The following PANK4 variants were observed in gnomAD, a reference collection of about 807,000 sequenced individuals.
PANK4 encodes 4'-phosphopantetheine phosphatase.
PANK4 carries 40 observed loss-of-function variants against 87.9 expected under a neutral mutation model. The ratio of observed to expected loss-of-function variants is 0.46; its 90% CI spans 0.35 to 0.59. The LOEUF is 0.59. Ranked by LOEUF, PANK4 falls within the 20% of genes least tolerant of loss-of-function variation. The probability of loss-of-function intolerance (pLI) is 0.00; values close to 1 mark genes in which losing one functional copy is unlikely to be tolerated. For missense variants in PANK4, 926 were observed against 1,072.3 expected, an observed-to-expected ratio of 0.86 and a Z score of 1.90; for synonymous variants, 524 against 467.4, an observed-to-expected ratio of 1.12 and a Z score of -1.56.
intron 9 of PANK4, 132 bp downstream of exon 9, chr1:2,518,032 G>A: frequency 3.5e-6 from 2 of 567,104 alleles, no homozygotes; most frequent in Non-Finnish European, 6.2e-6. Flanking sequence ...CCAGGTCCAT[G>A]GGAGGATTCG....
intron 1 of PANK4, chr1:2,525,561 G>C (rs1009548533): frequency 3.3e-5 from 5 of 152,198 alleles, no homozygotes; most frequent in African/African-American, 1.2e-4. Context: ...TCCTGGTTCT[G>C]CCACTTTCTA....
intron 15 of PANK4, 100 bp downstream of exon 15, chr1:2,511,238 A>C: frequency 1.3e-6 from 1 of 779,642 alleles, no homozygotes; most frequent in Admixed American, 1.9e-5. Flanking sequence ...ACAGGAGGGG[A>C]GGGCCACCCG....
Position 2,511,699 on chromosome 1 carries a change from GA to G in PANK4, c.1728-17del. On this transcript the variant is annotated splice_polypyrimidine_tract_variant and intron_variant, in intron 13 of 18. Transcript: ENST00000378466. ...TTCAAGGACACTGCATGGAGGAGGA[GA>G]AAAGAAAATTAAGACAACAGAACAA... The G allele has an allele frequency of 6.4e-7, 1 of 1,564,912 alleles. No individual in the cohort carries two copies. The highest frequency in any genetic ancestry group is 8.8e-7 in the Non-Finnish European group (1 of 1,135,986).
chr1:2,513,178 AGCCTATCGGTCCGGGACAGTG>A, intron 12 of PANK4, 139 bp from the exon 13 acceptor site: 1 of 881,162 alleles, frequency 1.1e-6, no homozygotes, highest in Non-Finnish European at 1.7e-6. Flanking sequence ...ACCAGGCACA[AGCCTATCGGTCCGGGACAGTG>A]GCCAGCGCAC....
Position 2,519,857 on chromosome 1 carries a change from C to T in PANK4, c.797G>A (p.Gly266Glu). The change falls in exon 6 of 19, where the codon GGG becomes GAG. Residue 266 changes from glycine (G) to glutamate (E), a missense_variant. Coordinates refer to ENST00000378466, the MANE Select transcript of PANK4 (RefSeq NM_018216.4). The surrounding 1 kb of genome is among the most constrained non-coding windows in gnomAD (Gnocchi z 8.3). ...GCTGGCGATGAGGTTCCCGCTCAGC[C>T]CGAGAGTCTGGTGGGCGCCGCCGTA... ...DVYGGAHQTLGLSGNLIASSF... is the reference protein window; with the variant it reads ...DVYGGAHQTLELSGNLIASSF... The T allele has an allele frequency of 6.4e-7, 1 of 1,573,578 alleles. No individual in the cohort carries two copies. The highest frequency in any genetic ancestry group is 8.6e-7 in the Non-Finnish European group (1 of 1,160,068).
At chr1:2,523,055 G>A (rs1453162373) in intron 1 of PANK4, among the ~76,000 whole-genome samples, 4 of 151,762 alleles carry the variant, frequency 2.6e-5, no homozygotes, top group African/African-American at 9.7e-5. Context: ...CCCACATCAT[G>A]AGAGTAATGA....
rs1431926034 is a variant in PANK4 at position 2,512,824 on chromosome 1, C to A, written c.1727+64G>T. 5.8e-6 allele frequency: 9 copies of A among 1,547,630 alleles called. No individual in the cohort carries two copies. The East Asian group carries it at 2.0e-4, about 35-fold the overall frequency. ...GGGACCCGCTCCACCTCCTTGCCCG[C>A]AAGCCTGGGGCAGGACAGGCACCCA... On this transcript the variant is annotated intron_variant, in intron 13 of 18. Transcript: ENST00000378466.
At position 2,515,791 on chromosome 1, in the gene PANK4, C is replaced by T. The variant is rs893142175; in HGVS notation, c.1219-74G>A. 3 of 1,386,608 alleles carry T rather than the reference C, an allele frequency of 2.2e-6. No homozygotes were observed. The highest frequency in any genetic ancestry group is 2.0e-6 in the Non-Finnish European group (2 of 997,036). 85.9% of individuals were successfully genotyped at this position (1,386,608 alleles called of 1,614,324 possible). A position where few individuals can be genotyped will look rare whatever the true frequency, so the allele number is the denominator to read the frequency against. ...GACCCAAGCCACACTCAGAAGCTTC[C>T]ACTCTCTCTCTAAGAAGGGAGATGT... On this transcript the variant is annotated intron_variant, in intron 9 of 18. Coordinates refer to ENST00000378466, the MANE Select transcript of PANK4 (RefSeq NM_018216.4). This position sits in a 1 kb window ranked among gnomAD's most constrained non-coding sequence, Gnocchi z 5.0.
rs1643610518 is a variant in PANK4, at chr1:2,508,782, C to T, written c.*65G>A. 1 of 973,844 alleles carries T rather than the reference C, an allele frequency of 1.0e-6. No individual in the cohort carries two copies. Among genetic ancestry groups the T allele is most frequent in the Non-Finnish European group, 1.6e-6 (1 of 624,194 alleles). 60.3% of individuals were successfully genotyped at this position (973,844 alleles called of 1,614,324 possible). On this transcript the variant is annotated 3_prime_UTR_variant, in exon 19 of 19. Coordinates refer to ENST00000378466, the MANE Select transcript of PANK4 (RefSeq NM_018216.4). This position sits in a 1 kb window ranked among gnomAD's most constrained non-coding sequence, Gnocchi z 5.1. ...AAATACGTTGATTTGAACGCAGTTT[C>T]CCTGTGGTGGTAAAAACACATTCCT...
In PANK4 at chr1:2,515,125, C is replaced by T. The variant is rs557632512; in HGVS notation, c.1374+437G>A. 14 of 363,274 alleles carry T rather than the reference C, an allele frequency of 3.9e-5. No homozygotes were observed. The highest frequency in any genetic ancestry group is 1.7e-4 in the African/African-American group (8 of 47,186). The allele number at this position is 363,274 out of a possible 1,614,324, so 22.5% of individuals were successfully genotyped here. On this transcript the variant is annotated intron_variant, in intron 10 of 18. Coordinates refer to ENST00000378466, the MANE Select transcript of PANK4 (RefSeq NM_018216.4). This position sits in a 1 kb window ranked among gnomAD's most constrained non-coding sequence, Gnocchi z 5.0. The stretch of plus-strand genomic sequence containing the variant: ...GGCCCAGGGCCTGGCATTTGCTCCA[C>T]GGGACCAGCCCAGCCTTGGAGAAGG...
intron 15 of PANK4, among the ~76,000 whole-genome samples, chr1:2,511,137 G>C (rs1295905315): frequency 6.6e-6 from 1 of 152,250 alleles, no homozygotes; most frequent in Non-Finnish European, 1.5e-5. Flanking sequence ...TTTGTGCCTA[G>C]AGCAGGTGAC....
chr1:2,515,187 C>G lies in PANK4; in HGVS notation c.1374+375G>C, dbSNP rs1485261546. 9.7e-6 allele frequency: 4 copies of G among 413,282 alleles called. No individual in the cohort carries two copies. Among genetic ancestry groups the G allele is most frequent in the Non-Finnish European group, 1.9e-5 (4 of 208,564 alleles). 25.6% of individuals were successfully genotyped at this position (413,282 alleles called of 1,614,324 possible). A position where few individuals can be genotyped will look rare whatever the true frequency, so the allele number is the denominator to read the frequency against. ...AGTCCCAAGGTGGCCTCGCCGGGAGCTTGCTGGGGCTGAGTCTCACCCCAC... is the reference window on the plus strand; with the variant it reads ...AGTCCCAAGGTGGCCTCGCCGGGAGGTTGCTGGGGCTGAGTCTCACCCCAC... On this transcript the variant is annotated intron_variant, in intron 10 of 18. Transcript: ENST00000378466. This position sits in a 1 kb window ranked among gnomAD's most constrained non-coding sequence, Gnocchi z 5.0.
At position 2,526,459 on chromosome 1, in the gene PANK4, G is replaced by A. The variant is rs756265992; in HGVS notation, c.124+5C>T. 2 of 1,483,928 alleles carry A rather than the reference G, an allele frequency of 1.3e-6. No individual in the cohort carries two copies. The highest frequency in any genetic ancestry group is 2.2e-4 in the Middle Eastern group (1 of 4,634). The allele number at this position is 1,483,928 out of a possible 1,614,324, so 91.9% of individuals were successfully genotyped here. On this transcript the variant is annotated splice_donor_5th_base_variant and intron_variant, in intron 1 of 18. Transcript: ENST00000378466. ...GCCCGCGCCCGGCGCCCGGCCTGCG[G>A]CTACCTATGTCGATGGCGAAGCGCT...
chr1:2,511,217 G>A (rs934038407), intron 15 of PANK4, 121 bp downstream of exon 15: 59 of 718,072 alleles, frequency 8.2e-5, no homozygotes, highest in Non-Finnish European at 1.3e-5. Flanking sequence ...TCGCAGGATG[G>A]TGAGACTCTA....
rs150854812 is a variant in PANK4, at chr1:2,512,884, C to T, written c.1727+4G>A. On this transcript the variant is annotated splice_donor_region_variant and intron_variant, in intron 13 of 18. Coordinates refer to ENST00000378466, the MANE Select transcript of PANK4 (RefSeq NM_018216.4). Reference sequence around the variant, plus strand: ...GAGCCTGCTCCGAGCCCGCAGACACCTACGCAGACACGGCTTTGGCCCCCC... The same window carrying T: ...GAGCCTGCTCCGAGCCCGCAGACACTTACGCAGACACGGCTTTGGCCCCCC... The T allele has an allele frequency of 1.9e-4, 307 of 1,612,732 alleles. 2 individuals are homozygous for T. The East Asian group carries it at 6.8e-3, about 35-fold the overall frequency.
Position 2,515,126 on chromosome 1 carries a change from G to C in PANK4, c.1374+436C>G, listed in dbSNP as rs1470503837. The stretch of plus-strand genomic sequence containing the variant: ...GCCCAGGGCCTGGCATTTGCTCCAC[G>C]GGACCAGCCCAGCCTTGGAGAAGGT... On this transcript the variant is annotated intron_variant, in intron 10 of 18. Transcript: ENST00000378466. This position sits in a 1 kb window ranked among gnomAD's most constrained non-coding sequence, Gnocchi z 5.0. 1 of 362,954 alleles carries C rather than the reference G, an allele frequency of 2.8e-6. No homozygotes were observed. The highest frequency in any genetic ancestry group is 5.4e-6 in the Non-Finnish European group (1 of 183,574). 22.5% of individuals were successfully genotyped at this position (362,954 alleles called of 1,614,324 possible).
At position 2,509,003 on chromosome 1, in the gene PANK4, G is replaced by C. The variant is rs1278756142; in HGVS notation, c.2166C>G (p.Val722=). 8 of 1,606,980 alleles carry C rather than the reference G, an allele frequency of 5.0e-6. No individual in the cohort carries two copies. The highest frequency in any genetic ancestry group is 6.8e-6 in the Non-Finnish European group (8 of 1,179,630). The part of the protein sequence containing the change: ...LVRERGADLV[V]IEGMGRAVHT... ...GGACAGCACGGCCCATGCCCTCGAT[G>C]ACCACCAGATCCGCGCCACGCTCCC... Residue 722 remains valine, a synonymous_variant, in exon 19 of 19, where the codon GTC becomes GTG. Transcript: ENST00000378466. This position sits in a 1 kb window ranked among gnomAD's most constrained non-coding sequence, Gnocchi z 4.9.
rs1394391565 is a variant in PANK4 at position 2,509,888 on chromosome 1, G to A, written c.2082C>T (p.Gly694=). The A allele has an allele frequency of 6.2e-7, 1 of 1,612,158 alleles. No homozygotes were observed. Among genetic ancestry groups the A allele is most frequent in the South Asian group, 1.1e-5 (1 of 90,988 alleles). ...TGAGGTCGAGGCACGGGGAGCTGGA[G>A]CCCGTCTGCACCAGCAGCAGCCTCT... ...QEERLLLVQT[G]SSSPCLDLSR... Residue 694 remains glycine (G), a synonymous_variant, in exon 18 of 19, where the codon GGC becomes GGT. Coordinates refer to ENST00000378466, the MANE Select transcript of PANK4 (RefSeq NM_018216.4). This position sits in a 1 kb window ranked among gnomAD's most constrained non-coding sequence, Gnocchi z 4.9.
Position 2,520,353 on chromosome 1 carries a change from C to G in PANK4, c.668G>C (p.Trp223Ser), listed in dbSNP as rs962686904. The G allele has an allele frequency of 6.2e-7, 1 of 1,612,874 alleles. No homozygotes were observed. The stretch of plus-strand genomic sequence containing the variant: ...TTTGGTGAGCAGAGCGCCAAGCCCC[C>G]AGAAGGTGCCGCCTCCAATGGAGCT... ...GGSSIGGGTF[W>S]GLGALLTKTK... Residue 223 changes from tryptophan (W) to serine (S), a missense_variant, in exon 5 of 19, where the codon TGG becomes TCG. By Grantham distance (177) the Trp-to-Ser change is radical. Transcript: ENST00000378466. This position sits in a 1 kb window ranked among gnomAD's most constrained non-coding sequence, Gnocchi z 6.2.
Sources: gnomAD v4.1 joint callset for allele counts (sites outside exome capture counted in the v4.1 genomes callset) on GRCh38, gnomAD v4.1.1 for gene constraint, Gnocchi (gnomAD v3.1) non-coding constraint, MANE v1.5 for transcripts, NCBI Gene and HGNC (gene_info 2026-07-23, HGNC 2026-07-21) for gene names.